Variants in COX7B2 observed in about 807,000 individuals in gnomAD.
The protein encoded by COX7B2 is cytochrome c oxidase subunit 7B2, mitochondrial.
For missense variants in COX7B2, 109 were observed against 95.9 expected (o/e 1.14, Z -0.57); for synonymous variants, 37 against 32.1 (o/e 1.15, Z -0.51).
intron 2 of COX7B2, among the ~76,000 whole-genome samples, chr4:46,774,543 G>T (rs1267992064): frequency 1.3e-5 from 2 of 151,990 alleles, no homozygotes; most frequent in Non-Finnish European, 2.9e-5. Flanking sequence ...ATATATCATT[G>T]GTGGACTGTT....
intron 1 of COX7B2, among the ~76,000 whole-genome samples, chr4:46,907,310 A>T (rs1372311027): frequency 6.6e-6 from 1 of 152,056 alleles, no homozygotes; most frequent in Non-Finnish European, 1.5e-5. Flanking sequence ...GCTCCTAAAA[A>T]CTTTTCTTTT....
intron 2 of COX7B2, among the ~76,000 whole-genome samples, chr4:46,803,138 C>T (rs962312081): frequency 4.6e-5 from 7 of 152,014 alleles, no homozygotes; most frequent in African/African-American, 1.5e-4. Flanking sequence ...CAGGGAATTG[C>T]CCAGGAGTTG....
chr4:46,791,211 G>A (rs531863502), intron 2 of COX7B2, among the ~76,000 whole-genome samples: 18 of 149,348 alleles, frequency 1.2e-4, no homozygotes, highest in Non-Finnish European at 2.4e-4. Context: ...GAGTTTTACC[G>A]TGTTAGCCAG....
At chr4:46,839,587 C>A (rs1045915211) in intron 2 of COX7B2, among the ~76,000 whole-genome samples, 2 of 152,100 alleles carry the variant, frequency 1.3e-5, no homozygotes, top group Non-Finnish European at 2.9e-5. Flanking sequence ...AAATTCCACA[C>A]GAGAGATTCA....
intron 2 of COX7B2, among the ~76,000 whole-genome samples, chr4:46,752,633 T>G (rs1057411450): frequency 1.2e-4 from 18 of 152,314 alleles, no homozygotes; most frequent in African/African-American, 4.3e-4. Flanking sequence ...CATAAAGGGC[T>G]GTTGAATTTT....
intron 2 of COX7B2, among the ~76,000 whole-genome samples, chr4:46,756,241 G>C (rs1009748769): frequency 6.6e-6 from 1 of 151,968 alleles, no homozygotes; most frequent in Non-Finnish European, 1.5e-5. Context: ...ATGTTGCTGG[G>C]AGATCAGATA....
At chr4:46,889,050 T>A (rs139255519) in intron 1 of COX7B2, among the ~76,000 whole-genome samples, 6 of 152,332 alleles carry the variant, frequency 3.9e-5, no homozygotes, top group African/African-American at 1.4e-4. Flanking sequence ...ATGTGAGTAT[T>A]ATGCATTGCA....
intron 2 of COX7B2, among the ~76,000 whole-genome samples, chr4:46,786,035 A>G (rs908267920): frequency 1.3e-5 from 2 of 152,202 alleles, no homozygotes; most frequent in Non-Finnish European, 2.9e-5. Flanking sequence ...TTGAAATTCA[A>G]AATAGTTCTT....
intron 2 of COX7B2, among the ~76,000 whole-genome samples, chr4:46,765,106 C>T (rs540111590): frequency 6.6e-6 from 1 of 151,666 alleles, no homozygotes; most frequent in East Asian, 2.0e-4. Context: ...TGGAAGCTGC[C>T]AGCACTTGTC....
Position 46,896,955 on chromosome 4 carries a change from T to C in COX7B2, c.-105+12205A>G, listed in dbSNP as rs532250203. Among the ~76,000 whole-genome samples, 412 of 152,308 alleles carry C rather than the reference T, an allele frequency of 2.7e-3. 2 individuals carry two copies. Among genetic ancestry groups the C allele is most frequent in the Middle Eastern group, 0.01 (3 of 294 alleles). ...AATCTCAGCCTTTGTGTGAAGAAGA[T>C]AGGGAAAATAAATAGTCTCTCTGGA... On this transcript the variant is annotated intron_variant, in intron 1 of 2. Transcript: ENST00000355591.
intron 2 of COX7B2, among the ~76,000 whole-genome samples, chr4:46,767,895 GT>G (rs537689851): frequency 1.2e-3 from 189 of 152,346 alleles, no homozygotes; most frequent in Non-Finnish European, 2.3e-3. Flanking sequence ...CCTTGAAGGT[GT>G]GGCTCCCTTA....
chr4:46,785,894 C>A lies in COX7B2; in HGVS notation c.-49-50653G>T, dbSNP rs574527328. The stretch of plus-strand genomic sequence containing the variant: ...TATGGGGAAAAAAAGGGGAAATAAA[C>A]AGAAAAAAAATCCATCTTTCTATAC... On this transcript the variant is annotated intron_variant, in intron 2 of 2. Coordinates refer to ENST00000355591, the MANE Select transcript of COX7B2 (RefSeq NM_130902.3). Among the ~76,000 whole-genome samples the A allele has an allele frequency of 4.0e-5, 6 of 151,724 alleles. No homozygotes were observed. The East Asian group carries it at 1.2e-3, about 29-fold the overall frequency.
chr4:46,773,120 A>T (rs910050168), intron 2 of COX7B2, among the ~76,000 whole-genome samples: 6 of 152,252 alleles, frequency 3.9e-5, no homozygotes, highest in Admixed American at 3.9e-4. Context: ...TTTTTAACTG[A>T]TTTTATGTTC....
intron 2 of COX7B2, among the ~76,000 whole-genome samples, chr4:46,786,897 C>T (rs184762079): frequency 9.7e-4 from 147 of 152,302 alleles, no homozygotes; most frequent in Non-Finnish European, 1.9e-3. Context: ...AAGTTTGAAT[C>T]TGGGCAAAGA....
Position 46,869,663 on chromosome 4 carries a change from A to T in COX7B2, c.-104-24649T>A, listed in dbSNP as rs1717867818. Reference sequence around the variant, plus strand: ...TTGCTGAATATGAAATTCCTAGTTGAAGATTTTTTTTTCTTTAATAATGTT... The same window carrying T: ...TTGCTGAATATGAAATTCCTAGTTGTAGATTTTTTTTTCTTTAATAATGTT... On this transcript the variant is annotated intron_variant, in intron 1 of 2. Transcript: ENST00000355591. Among the ~76,000 whole-genome samples, 3 of 152,078 alleles carry T rather than the reference A, an allele frequency of 2.0e-5. No homozygotes were observed. In the South Asian group the frequency reaches 6.2e-4, roughly 32 times the overall value.
chr4:46,794,772 G>A (rs1410955625), intron 2 of COX7B2, among the ~76,000 whole-genome samples: 1 of 152,156 alleles, frequency 6.6e-6, no homozygotes, highest in African/African-American at 2.4e-5. Flanking sequence ...ACAGACTTAT[G>A]GTGTTGGCTA....
At chr4:46,806,356 A>G (rs749508008) in intron 2 of COX7B2, among the ~76,000 whole-genome samples, 8 of 145,248 alleles carry the variant, frequency 5.5e-5, no homozygotes, top group Non-Finnish European at 9.0e-5. Flanking sequence ...AAAATAAAGT[A>G]AAAAAAAAAC....
At chr4:46,789,928 T>C (rs1717949045) in intron 2 of COX7B2, among the ~76,000 whole-genome samples, 1 of 152,052 alleles carries the variant, frequency 6.6e-6, no homozygotes, top group Non-Finnish European at 1.5e-5. Flanking sequence ...ATAATAAAAG[T>C]GAGACTCTCT....
At chr4:46,815,991 G>C (rs1719531373) in intron 2 of COX7B2, among the ~76,000 whole-genome samples, 1 of 152,116 alleles carries the variant, frequency 6.6e-6, no homozygotes, top group South Asian at 2.1e-4. Flanking sequence ...CTCTCAGGCA[G>C]GAAACGAGAC....
Sources: allele counts gnomAD v4.1 joint callset (sites outside exome capture counted in the v4.1 genomes callset), GRCh38; gene constraint gnomAD v4.1.1; transcripts MANE v1.5; gene names NCBI Gene and HGNC (gene_info 2026-07-23, HGNC 2026-07-21).